Variants in KCNT2 observed in about 807,000 individuals in gnomAD.
KCNT2 encodes potassium sodium-activated channel subfamily T member 2.
Under a neutral mutation model 153.8 loss-of-function variants are expected in KCNT2, and 67 were observed. That is an observed-to-expected ratio of 0.44 (90% CI 0.36 to 0.53). The LOEUF (loss-of-function observed/expected upper bound fraction) is 0.53, where lower values mean the gene tolerates loss of function less well. Ranked by LOEUF, KCNT2 falls within the 20% of genes least tolerant of loss-of-function variation. The probability of loss-of-function intolerance (pLI) is 0.00; values close to 1 mark genes in which losing one functional copy is unlikely to be tolerated. For missense variants in KCNT2, 975 were observed against 1,354.8 expected, an observed-to-expected ratio of 0.72 and a Z score of 4.40; for synonymous variants, 500 against 458.8, an observed-to-expected ratio of 1.09 and a Z score of -1.15.
At chr1:196,319,303 T>A (rs748291272) in intron 20 of KCNT2, among the ~76,000 whole-genome samples, 181 bp downstream of exon 20, 3 of 151,792 alleles carry the variant, frequency 2.0e-5, no homozygotes, top group Non-Finnish European at 4.4e-5. Flanking sequence ...CAACAATAGA[T>A]TACTACTCAG....
chr1:196,242,346 C>A (rs1167910377), intron 26 of KCNT2, among the ~76,000 whole-genome samples: 1 of 151,948 alleles, frequency 6.6e-6, no homozygotes, highest in Non-Finnish European at 1.5e-5. Flanking sequence ...CAAGACATTA[C>A]AGAAAGCCTA....
intron 13 of KCNT2, among the ~76,000 whole-genome samples, chr1:196,391,466 T>G (rs1670487608): frequency 6.6e-6 from 1 of 151,296 alleles, no homozygotes; most frequent in African/African-American, 2.4e-5. Context: ...TCTAAAAAAA[T>G]AAGTATTATT....
chr1:196,250,319 A>G (rs1655846284), intron 26 of KCNT2, among the ~76,000 whole-genome samples: 2 of 152,186 alleles, frequency 1.3e-5, no homozygotes, highest in South Asian at 4.1e-4. Context: ...TAGAGAACCC[A>G]GAAACAAAAC....
At chr1:196,576,024 T>C (rs1308468713) in intron 1 of KCNT2, among the ~76,000 whole-genome samples, 6 of 150,008 alleles carry the variant, frequency 4.0e-5, no homozygotes, top group African/African-American at 1.2e-4. Flanking sequence ...TAACATCTAA[T>C]GACTAATCTA....
At chr1:196,336,642 G>A (rs1199396000) in intron 16 of KCNT2, among the ~76,000 whole-genome samples, 9 of 152,202 alleles carry the variant, frequency 5.9e-5, no homozygotes, top group East Asian at 3.9e-4. Context: ...TTTCCCAAAC[G>A]TAGTCCAATC....
At chr1:196,238,360 C>T (rs960068799) in intron 26 of KCNT2, among the ~76,000 whole-genome samples, 15 of 151,680 alleles carry the variant, frequency 9.9e-5, no homozygotes, top group African/African-American at 3.6e-4. Context: ...ATTATTTATC[C>T]TACTGAAGAT....
intron 22 of KCNT2, among the ~76,000 whole-genome samples, chr1:196,291,803 A>T (rs1391847921): frequency 6.6e-6 from 1 of 152,170 alleles, no homozygotes; most frequent in East Asian, 1.9e-4. Flanking sequence ...ACCAGATATC[A>T]TAGGTCATGG....
rs756347335 is a variant in KCNT2 at position 196,342,253 on chromosome 1, C to T, written c.1404-25G>A. ...TCTGCAACACAGGCACACACACATA[C>T]ACACACACAAAAAGAAAACACAGTG... On this transcript the variant is annotated intron_variant, in intron 14 of 27. Coordinates refer to ENST00000294725, the MANE Select transcript of KCNT2 (RefSeq NM_198503.5). 1.0e-4 allele frequency: 162 copies of T among 1,576,260 alleles called. 1 individual carries two copies. Among genetic ancestry groups the T allele is most frequent in the East Asian group, 2.3e-5 (1 of 43,880 alleles).
At chr1:196,334,266 A>G (rs1424890773) in intron 16 of KCNT2, among the ~76,000 whole-genome samples, 1 of 151,976 alleles carries the variant, frequency 6.6e-6, no homozygotes, top group Admixed American at 6.6e-5. Context: ...GAAAATCTCT[A>G]TTTGCACAAA....
intron 8 of KCNT2, among the ~76,000 whole-genome samples, chr1:196,450,108 C>G (rs1572494783): frequency 6.6e-6 from 1 of 151,720 alleles, no homozygotes; most frequent in Non-Finnish European, 1.5e-5. Context: ...ATATTTTTAT[C>G]AAATTCTCAT....
chr1:196,425,590 C>T (rs1673588460), intron 11 of KCNT2, among the ~76,000 whole-genome samples: 1 of 151,944 alleles, frequency 6.6e-6, no homozygotes, highest in South Asian at 2.1e-4. Context: ...TTCTGGGCCA[C>T]TTTTTTCATT....
chr1:196,326,424 C>T (rs986656709), intron 19 of KCNT2, among the ~76,000 whole-genome samples: 1 of 151,946 alleles, frequency 6.6e-6, no homozygotes, highest in Admixed American at 6.6e-5. Context: ...AGGAAAATTG[C>T]AGTAATTATT....
intron 13 of KCNT2, among the ~76,000 whole-genome samples, chr1:196,393,217 G>A (rs528569884): frequency 6.9e-4 from 105 of 151,424 alleles, no homozygotes; most frequent in East Asian, 1.2e-3. Flanking sequence ...GTGAAAATTT[G>A]CCAATTCGAT....
intron 1 of KCNT2, among the ~76,000 whole-genome samples, chr1:196,586,701 T>A (rs1436163767): frequency 6.8e-6 from 1 of 147,580 alleles, no homozygotes; most frequent in African/African-American, 2.7e-5. Flanking sequence ...CTACTAACAT[T>A]AAAATCAAGA....
chr1:196,413,048 T>C (rs564990510), intron 12 of KCNT2, among the ~76,000 whole-genome samples: 2 of 151,820 alleles, frequency 1.3e-5, no homozygotes, highest in East Asian at 1.9e-4. Context: ...TATATTCTTT[T>C]AAGGGATAAA....
At position 196,385,727 on chromosome 1, in the gene KCNT2, G is replaced by A. The variant is rs1381099752; in HGVS notation, c.1295-12479C>T. ...CTGGAGACAGAGAATGTGGATTCAA[G>A]TACTGTCTCAACCAGTTAGTATGGC... On this transcript the variant is annotated intron_variant, in intron 13 of 27. Coordinates refer to ENST00000294725, the MANE Select transcript of KCNT2 (RefSeq NM_198503.5). 2.7e-5 allele frequency among the ~76,000 whole-genome samples: 4 copies of A among 150,160 alleles called. 1 individual carries two copies. The highest frequency in any genetic ancestry group is 4.9e-5 in the African/African-American group (2 of 40,904).
At chr1:196,241,388 C>T (rs901674055) in intron 26 of KCNT2, among the ~76,000 whole-genome samples, 3 of 151,900 alleles carry the variant, frequency 2.0e-5, no homozygotes, top group African/African-American at 7.3e-5. Flanking sequence ...ACAGTGCTGA[C>T]TCAATTTGCT....
chr1:196,452,235 C>CT (rs759412855), intron 8 of KCNT2, among the ~76,000 whole-genome samples: 20 of 152,010 alleles, frequency 1.3e-4, no homozygotes, highest in Admixed American at 3.9e-4. Flanking sequence ...ATCCCAGCTA[C>CT]TATCACATTA....
chr1:196,473,924 C>T (rs1311546545), intron 5 of KCNT2, among the ~76,000 whole-genome samples: 3 of 151,996 alleles, frequency 2.0e-5, no homozygotes, highest in Non-Finnish European at 2.9e-5. Flanking sequence ...ATACATTTTT[C>T]ATTTAATCTT....
Sources: allele counts gnomAD v4.1 joint callset (sites outside exome capture counted in the v4.1 genomes callset), GRCh38; gene constraint gnomAD v4.1.1; transcripts MANE v1.5; gene names NCBI Gene and HGNC (gene_info 2026-07-23, HGNC 2026-07-21).